Variants in ATRN observed in about 807,000 individuals in gnomAD.
The protein encoded by ATRN is attractin-2.
ATRN carries 54 observed loss-of-function variants against 178.7 expected under a neutral mutation model. That is an observed-to-expected ratio of 0.30 (90% CI 0.24 to 0.38). ATRN has a LOEUF of 0.38. ATRN is among the 10% of genes least tolerant of loss of function. The pLI, the probability that ATRN is intolerant of heterozygous loss-of-function variation, is 1.00. For synonymous variants in ATRN, 636 were observed against 663.0 expected, an observed-to-expected ratio of 0.96 and a Z score of 0.63; for missense variants, 1,443 against 1,815.1, an observed-to-expected ratio of 0.79 and a Z score of 3.73.
At chr20:3,492,064 T>C (rs957199053) in intron 1 of ATRN, among the ~76,000 whole-genome samples, 4 of 152,152 alleles carry the variant, frequency 2.6e-5, no homozygotes, top group East Asian at 3.8e-4. Context: ...ACAGGTTGAA[T>C]GTAAGCCTTA....
rs967569423 is a variant in ATRN at position 3,471,264 on chromosome 20, C to T, written c.157C>T (p.Leu53=). 13 of 1,448,318 alleles carry T rather than the reference C, an allele frequency of 9.0e-6. No homozygotes were observed. In the African/African-American group the frequency reaches 1.5e-4, roughly 17 times the overall value. 89.7% of individuals were successfully genotyped at this position (1,448,318 alleles called of 1,614,324 possible). The change falls in exon 1 of 29, where the codon CTG becomes TTG. Residue 53 remains leucine, a synonymous_variant. Coordinates refer to ENST00000262919, the MANE Select transcript of ATRN (RefSeq NM_139321.3). ...GGCCGGGCTGCGCCTCCCGCGGCTG[C>T]TGTCTCCACCGCTGCGGCCACGGCT... ...LGAGLRLPRL[L]SPPLRPRLLL... is the part of the protein sequence containing the mutation.
At chr20:3,565,211 A>G in intron 10 of ATRN, 137 bp from the exon 11 acceptor site, 3 of 649,640 alleles carry the variant, frequency 4.6e-6, no homozygotes, top group Non-Finnish European at 7.9e-6. Flanking sequence ...TAACCCAGAA[A>G]TGATGTTGTA....
chr20:3,606,694 T>G (rs2086681569), intron 24 of ATRN, among the ~76,000 whole-genome samples: 3 of 152,268 alleles, frequency 2.0e-5, no homozygotes, highest in Admixed American at 2.0e-4. Context: ...AAACCCAACT[T>G]GAGCATGACG....
Position 3,648,899 on chromosome 20 carries a change from T to C in ATRN, c.*2052T>C, listed in dbSNP as rs2087126248. The stretch of plus-strand genomic sequence containing the variant: ...TGTCCTCCTACAAGGAAGATCCTCT[T>C]TGTTTGTTCAAAGGACCAGTTTTCC... On this transcript the variant is annotated 3_prime_UTR_variant, in exon 29 of 29. Transcript: ENST00000262919. 8.6e-6 allele frequency: 1 copy of C among 116,952 alleles called. No homozygotes were observed. The highest frequency in any genetic ancestry group is 2.2e-5 in the Non-Finnish European group (1 of 46,222). The allele number at this position is 116,952 out of a possible 1,614,324, so 7.2% of individuals were successfully genotyped here.
intron 1 of ATRN, among the ~76,000 whole-genome samples, chr20:3,504,825 T>C (rs1029131792): frequency 6.6e-6 from 1 of 151,958 alleles, no homozygotes; most frequent in Non-Finnish European, 1.5e-5. Flanking sequence ...AAGATGATGA[T>C]ATTTAAATCA....
At chr20:3,492,567 G>T (rs2084809897) in intron 1 of ATRN, among the ~76,000 whole-genome samples, 2 of 152,086 alleles carry the variant, frequency 1.3e-5, no homozygotes, top group South Asian at 4.1e-4. Context: ...AGTGGGAATG[G>T]AGATGAAGGA....
At chr20:3,562,504 T>C in intron 9 of ATRN, 45 bp downstream of exon 9, 1 of 1,582,686 alleles carries the variant, frequency 6.3e-7, no homozygotes, top group Non-Finnish European at 8.7e-7. Flanking sequence ...GTAAATTCTG[T>C]AGAGGCAATT....
intron 28 of ATRN, 58 bp downstream of exon 28, chr20:3,644,326 G>T: frequency 7.2e-7 from 1 of 1,384,676 alleles, no homozygotes. Flanking sequence ...AGCTAAGCAT[G>T]GGATACTTCC....
chr20:3,524,980 C>T lies in ATRN; in HGVS notation c.411-10273C>T, dbSNP rs537288738. The stretch of plus-strand genomic sequence containing the variant: ...GAAAGATCTAAAATCGACACCCTAA[C>T]ATCACAGTTAAAAGAACTAGAGAAG... On this transcript the variant is annotated intron_variant, in intron 1 of 28. Coordinates refer to ENST00000262919, the MANE Select transcript of ATRN (RefSeq NM_139321.3). Among the ~76,000 whole-genome samples the T allele has an allele frequency of 2.8e-4, 42 of 152,250 alleles. 1 individual carries two copies. Among genetic ancestry groups the T allele is most frequent in the African/African-American group, 9.4e-4 (39 of 41,534 alleles).
At chr20:3,622,737 A>T (rs998605675) in intron 24 of ATRN, among the ~76,000 whole-genome samples, 2 of 152,250 alleles carry the variant, frequency 1.3e-5, no homozygotes, top group East Asian at 3.8e-4. Context: ...GACTTAGATG[A>T]TAAAGATTCA....
At chr20:3,635,363 TAATAAATAAATAAATA>T (rs71331055) in intron 26 of ATRN, among the ~76,000 whole-genome samples, 1 of 149,158 alleles carries the variant, frequency 6.7e-6, no homozygotes, top group Admixed American at 6.7e-5. Context: ...CCTATTGAAA[TAATAAATAAATAAATA>T]AATAAATAAA....
At chr20:3,490,528 AGG>A in intron 1 of ATRN, 1 of 1,198,152 alleles carries the variant, frequency 8.3e-7, no homozygotes, top group Non-Finnish European at 1.2e-6. Context: ...AGAGATGGAC[AGG>A]TATGTGATAT....
intron 2 of ATRN, 127 bp from the exon 3 acceptor site, chr20:3,540,095 G>T (rs143386554): frequency 4.5e-5 from 24 of 532,002 alleles, no homozygotes; most frequent in African/African-American, 3.9e-4. Flanking sequence ...ACAAATGAAG[G>T]AATACTGGTG....
At chr20:3,476,235 C>A (rs1024718467) in intron 1 of ATRN, among the ~76,000 whole-genome samples, 7 of 152,166 alleles carry the variant, frequency 4.6e-5, no homozygotes, top group African/African-American at 1.7e-4. Context: ...GAAGTTATTC[C>A]CATTTCACAG....
At chr20:3,626,013 C>G (rs531063111) in intron 25 of ATRN, among the ~76,000 whole-genome samples, 1 of 152,238 alleles carries the variant, frequency 6.6e-6, no homozygotes, top group South Asian at 2.1e-4. Flanking sequence ...GGGTGGGTCA[C>G]TTGAGCTCAG....
At chr20:3,511,559 A>G (rs1203980116) in intron 1 of ATRN, among the ~76,000 whole-genome samples, 1 of 152,200 alleles carries the variant, frequency 6.6e-6, no homozygotes, top group Admixed American at 6.5e-5. Context: ...CAATTGGAAT[A>G]AATCTGGTAG....
intron 11 of ATRN, among the ~76,000 whole-genome samples, chr20:3,565,993 C>T (rs186284308): frequency 2.6e-5 from 4 of 152,182 alleles, no homozygotes; most frequent in Admixed American, 2.6e-4. Flanking sequence ...TGTTAGCACG[C>T]AAGAGCATGC....
intron 24 of ATRN, among the ~76,000 whole-genome samples, chr20:3,618,590 G>A (rs2086870780): frequency 1.3e-5 from 2 of 152,232 alleles, no homozygotes; most frequent in South Asian, 4.1e-4. Context: ...GGGAAAGAAA[G>A]CACAGAGCAG....
intron 24 of ATRN, among the ~76,000 whole-genome samples, chr20:3,609,480 T>C (rs1269983362): frequency 6.6e-6 from 1 of 152,214 alleles, no homozygotes; most frequent in East Asian, 1.9e-4. Context: ...ATAGGGACAC[T>C]TTGACTTCCT....
Sources: gnomAD v4.1 joint callset for allele counts (sites outside exome capture counted in the v4.1 genomes callset) on GRCh38, gnomAD v4.1.1 for gene constraint, MANE v1.5 for transcripts, NCBI Gene and HGNC (gene_info 2026-07-23, HGNC 2026-07-21) for gene names.